NCKAP5: variants seen among roughly 807,000 people sequenced by gnomAD.
NCKAP5 encodes nck-associated protein 5.
A neutral mutation model predicts 167.0 loss-of-function variants in NCKAP5; 92 were observed. The observed-to-expected ratio is 0.55, with a 90% CI of 0.47 to 0.66. The LOEUF (loss-of-function observed/expected upper bound fraction) is 0.66. Ranked by LOEUF, NCKAP5 falls within the 30% of genes least tolerant of loss-of-function variation. NCKAP5 has a pLI of 0.00. For missense variants in NCKAP5, 2,378 were observed against 2,315.0 expected (o/e 1.03, Z -0.56); for synonymous variants, 891 against 877.4 (o/e 1.02, Z -0.27).
At chr2:133,630,067 C>A in the NCKAP5 span, among the ~76,000 whole-genome samples, 2 of 152,082 alleles carry the variant, frequency 1.3e-5, no homozygotes, top group South Asian at 4.1e-4. Flanking sequence ...TTGATAGGTG[C>A]AGCAAACCAC....
intron 8 of NCKAP5, among the ~76,000 whole-genome samples, chr2:132,960,482 A>G (rs1428148048): frequency 1.3e-5 from 2 of 152,192 alleles, no homozygotes; most frequent in African/African-American, 4.8e-5. Context: ...GAAGGCCCTT[A>G]GCCTCCAGAA....
At chr2:133,509,759 A>T (rs992116530) in intron 3 of NCKAP5, among the ~76,000 whole-genome samples, 3 of 152,138 alleles carry the variant, frequency 2.0e-5, no homozygotes, top group African/African-American at 7.2e-5. Context: ...ATCCCAATAA[A>T]CGTCCTACAA....
chr2:133,155,681 A>C (rs1380509420), intron 5 of NCKAP5, among the ~76,000 whole-genome samples: 1 of 152,218 alleles, frequency 6.6e-6, no homozygotes, highest in Non-Finnish European at 1.5e-5. Flanking sequence ...CTTTGAGTAA[A>C]GCAGATCACC....
chr2:133,121,938 C>T (rs2149762657), intron 6 of NCKAP5: 1 of 152,246 alleles, frequency 6.6e-6, no homozygotes, highest in South Asian at 2.1e-4. Context: ...AACATGGACA[C>T]ATCAAAAAAG....
At chr2:132,826,008 G>A (rs749134843) in intron 11 of NCKAP5, among the ~76,000 whole-genome samples, 8 of 152,230 alleles carry the variant, frequency 5.3e-5, no homozygotes, top group Non-Finnish European at 1.0e-4. Flanking sequence ...GGGAAGAACA[G>A]AAAGCCGTTG....
At chr2:132,824,896 A>G (rs574558254) in intron 11 of NCKAP5, among the ~76,000 whole-genome samples, 1 of 152,368 alleles carries the variant, frequency 6.6e-6, no homozygotes, top group African/African-American at 2.4e-5. Flanking sequence ...GGCATGAGAA[A>G]GAAATAGACT....
chr2:133,586,044 T>C, the NCKAP5 span, among the ~76,000 whole-genome samples: 2 of 152,208 alleles, frequency 1.3e-5, no homozygotes, highest in African/African-American at 4.8e-5. Context: ...TGAACAGATA[T>C]TAGAGATAAT....
At chr2:133,450,470 T>C (rs1691484398) in intron 3 of NCKAP5, among the ~76,000 whole-genome samples, 1 of 152,230 alleles carries the variant, frequency 6.6e-6, no homozygotes. Flanking sequence ...CCATTCATAT[T>C]GAGATTACTA....
intron 5 of NCKAP5, among the ~76,000 whole-genome samples, chr2:133,178,179 A>G (rs12999378): frequency 0.51 from 77,233 of 151,898 alleles, 20,487 homozygotes; most frequent in East Asian, 0.8. Context: ...ACGTAGCAAT[A>G]GATGCCAGGC....
chr2:132,782,041 T>G lies in NCKAP5; in HGVS notation c.4770A>C (p.Thr1590=), dbSNP rs1683076511. 3 of 1,614,038 alleles carry G rather than the reference T, an allele frequency of 1.9e-6. No homozygotes were observed. Among genetic ancestry groups the G allele is most frequent in the Admixed American group, 3.3e-5 (2 of 60,030 alleles). ...TCAGTTGGTTGTAAATGTCTTGTGGTGTTCTCCGATTATTTTTGCTTTGTA... is the reference window on the plus strand; with the variant it reads ...TCAGTTGGTTGTAAATGTCTTGTGGGGTTCTCCGATTATTTTTGCTTTGTA... ...GGLQSKNNRR[T]PQDIYNQLKI... Residue 1590 remains threonine, a synonymous_variant, in exon 14 of 20, where the codon ACA becomes ACC. Transcript: ENST00000409261.
At chr2:133,605,421 C>T in the NCKAP5 span, among the ~76,000 whole-genome samples, 22 of 152,064 alleles carry the variant, frequency 1.4e-4, no homozygotes, top group Admixed American at 2.6e-4. Context: ...CTGTGGTCCC[C>T]GACCCCCTGG....
At chr2:133,260,432 C>A (rs1287110273) in intron 4 of NCKAP5, among the ~76,000 whole-genome samples, 1 of 152,124 alleles carries the variant, frequency 6.6e-6, no homozygotes, top group Non-Finnish European at 1.5e-5. Flanking sequence ...TCAATCAATG[C>A]CTTCTTGAGT....
At chr2:133,244,609 A>C (rs1666620800) in intron 4 of NCKAP5, among the ~76,000 whole-genome samples, 1 of 151,722 alleles carries the variant, frequency 6.6e-6, no homozygotes, top group Non-Finnish European at 1.5e-5. Flanking sequence ...AAACATATAA[A>C]TATATATTTA....
chr2:133,001,155 C>T (rs2077763565), intron 6 of NCKAP5, among the ~76,000 whole-genome samples: 1 of 151,272 alleles, frequency 6.6e-6, no homozygotes, highest in African/African-American at 2.4e-5. Context: ...GAACTGTAAA[C>T]ACATATGGAA....
intron 6 of NCKAP5, among the ~76,000 whole-genome samples, chr2:133,081,790 C>A (rs1225898614): frequency 6.6e-6 from 1 of 152,082 alleles, no homozygotes; most frequent in Non-Finnish European, 1.5e-5. Context: ...CTTTTCCAAG[C>A]ATAGCTCCTT....
At chr2:133,031,938 C>A (rs2078894136) in intron 6 of NCKAP5, among the ~76,000 whole-genome samples, 1 of 152,072 alleles carries the variant, frequency 6.6e-6, no homozygotes, top group Non-Finnish European at 1.5e-5. Flanking sequence ...TGAAAAGTCC[C>A]TGGGTCCTGA....
chr2:132,972,694 T>C (rs922138828), intron 7 of NCKAP5, among the ~76,000 whole-genome samples: 2 of 151,998 alleles, frequency 1.3e-5, no homozygotes, highest in South Asian at 2.1e-4. Context: ...ACCCCGTCTC[T>C]ACTAAAAAAA....
intron 6 of NCKAP5, among the ~76,000 whole-genome samples, chr2:133,052,130 T>A (rs2079626092): frequency 6.6e-6 from 1 of 152,206 alleles, no homozygotes; most frequent in African/African-American, 2.4e-5. Context: ...AATTTCTTGG[T>A]TTACAAGTTA....
rs933550410 is a variant in NCKAP5, at chr2:133,312,001, T to C, written c.70-8891A>G. ...CTTGCAACTCTGAGAAAAATTTAGGTACATTGCTCATCTATGGCATGTAAA... is the reference window on the plus strand; with the variant it reads ...CTTGCAACTCTGAGAAAAATTTAGGCACATTGCTCATCTATGGCATGTAAA... On this transcript the variant is annotated intron_variant, in intron 3 of 19. Coordinates refer to ENST00000409261, the MANE Select transcript of NCKAP5 (RefSeq NM_207363.3). Among the ~76,000 whole-genome samples the C allele has an allele frequency of 3.3e-5, 5 of 152,238 alleles. No homozygotes were observed. In the South Asian group the frequency reaches 8.3e-4, roughly 25 times the overall value.
Sources: gnomAD v4.1 joint callset for allele counts (sites outside exome capture counted in the v4.1 genomes callset) on GRCh38, gnomAD v4.1.1 for gene constraint, MANE v1.5 for transcripts, NCBI Gene and HGNC (gene_info 2026-07-23, HGNC 2026-07-21) for gene names.